The following SLC26A7 variants were observed in gnomAD, a reference collection of about 807,000 sequenced individuals.
SLC26A7 encodes the protein solute carrier family 26 member 7, also known as anion exchange transporter.
In SLC26A7, 59 loss-of-function variants were observed where a neutral mutation model predicts 82.5. The observed-to-expected ratio is 0.72, with a 90% CI of 0.58 to 0.89. The LOEUF is 0.89. SLC26A7 is among the 40% of genes least tolerant of loss of function. The probability of loss-of-function intolerance (pLI) is 0.00; values close to 1 mark genes in which losing one functional copy is unlikely to be tolerated. For missense variants in SLC26A7, 820 were observed against 793.0 expected, an observed-to-expected ratio of 1.03 and a Z score of -0.41; for synonymous variants, 271 against 274.3, an observed-to-expected ratio of 0.99 and a Z score of 0.12.
At chr8:91,356,089 T>C (rs1290135282) in intron 11 of SLC26A7, among the ~76,000 whole-genome samples, 2 of 152,236 alleles carry the variant, frequency 1.3e-5, no homozygotes, top group Non-Finnish European at 2.9e-5. Flanking sequence ...TAGTATTCCA[T>C]GGTGTACATG....
intron 2 of SLC26A7, among the ~76,000 whole-genome samples, chr8:91,253,038 A>G (rs191682820): frequency 2.0e-5 from 3 of 152,278 alleles, no homozygotes; most frequent in African/African-American, 4.8e-5. Context: ...TGTCTTCAAA[A>G]CAAACTGAAT....
intron 5 of SLC26A7, among the ~76,000 whole-genome samples, chr8:91,331,046 T>G (rs557021604): frequency 6.6e-6 from 1 of 152,210 alleles, no homozygotes; most frequent in Admixed American, 6.6e-5. Context: ...TGACATGGTA[T>G]TTCTCCTGTA....
At chr8:91,330,817 A>G (rs1247892725) in intron 5 of SLC26A7, among the ~76,000 whole-genome samples, 1 of 152,206 alleles carries the variant, frequency 6.6e-6, no homozygotes, top group Non-Finnish European at 1.5e-5. Flanking sequence ...ATACATATAT[A>G]GAAGCATGAA....
intron 2 of SLC26A7, among the ~76,000 whole-genome samples, chr8:91,258,866 T>C (rs1810880451): frequency 6.6e-6 from 1 of 152,108 alleles, no homozygotes; most frequent in South Asian, 2.1e-4. Context: ...CTCTATTCTC[T>C]ATCTTAAACT....
At chr8:91,371,411 G>A (rs539357407) in intron 15 of SLC26A7, among the ~76,000 whole-genome samples, 1 of 151,796 alleles carries the variant, frequency 6.6e-6, no homozygotes, top group South Asian at 2.1e-4. Context: ...TACTTTTGGA[G>A]TTCCCAGTGT....
At chr8:91,265,651 G>A (rs1811090861) in intron 2 of SLC26A7, among the ~76,000 whole-genome samples, 1 of 151,968 alleles carries the variant, frequency 6.6e-6, no homozygotes, top group Non-Finnish European at 1.5e-5. Flanking sequence ...CACTGATGTT[G>A]AGCATTTTGT....
intron 2 of SLC26A7, among the ~76,000 whole-genome samples, chr8:91,239,932 C>T (rs1220052255): frequency 6.6e-6 from 1 of 152,166 alleles, no homozygotes; most frequent in African/African-American, 2.4e-5. Context: ...ATATTAAAAA[C>T]AACTCAAAAC....
intron 2 of SLC26A7, among the ~76,000 whole-genome samples, chr8:91,243,681 A>C (rs1810504006): frequency 2.6e-5 from 4 of 152,210 alleles, no homozygotes. Flanking sequence ...TAATCTTAGG[A>C]ACTCACATAG....
At chr8:91,284,216 A>C (rs190830781) in intron 2 of SLC26A7, among the ~76,000 whole-genome samples, 1 of 152,292 alleles carries the variant, frequency 6.6e-6, no homozygotes, top group East Asian at 1.9e-4. Context: ...TTGGTCACAA[A>C]TAAGGTGGGT....
intron 5 of SLC26A7, among the ~76,000 whole-genome samples, chr8:91,322,310 T>G (rs1428871591): frequency 2.0e-5 from 3 of 152,166 alleles, no homozygotes; most frequent in African/African-American, 7.2e-5. Flanking sequence ...CCCTCAGCAG[T>G]TATAAACCCA....
intron 2 of SLC26A7, among the ~76,000 whole-genome samples, chr8:91,270,297 A>G (rs372750176): frequency 8.4e-4 from 128 of 152,252 alleles, no homozygotes; most frequent in African/African-American, 2.8e-3. Flanking sequence ...CATTCTGGGG[A>G]GAACTTGTAG....
In SLC26A7 at chr8:91,316,451, A is replaced by ATTTTTTTT. The variant is rs58981485; in HGVS notation, c.478-1733_478-1726dup. Among the ~76,000 whole-genome samples the ATTTTTTTT allele has an allele frequency of 5.5e-4, 19 of 34,424 alleles. 3 individuals carry two copies. Among genetic ancestry groups the ATTTTTTTT allele is most frequent in the Non-Finnish European group, 8.5e-4 (16 of 18,848 alleles). 22.6% of individuals were successfully genotyped at this position (34,424 alleles called of 152,430 possible). A position where few individuals can be genotyped will look rare whatever the true frequency, so the allele number is the denominator to read the frequency against. The stretch of plus-strand genomic sequence containing the variant: ...GAACTCGCTGCCACACTCAACACTA[A>ATTTTTTTT]TTTTTTTTTTTTTTTTTTTTTTTTT... On this transcript the variant is annotated intron_variant, in intron 4 of 18. Coordinates refer to ENST00000276609, the MANE Select transcript of SLC26A7 (RefSeq NM_052832.4).
intron 4 of SLC26A7, among the ~76,000 whole-genome samples, chr8:91,317,392 CTT>C (rs1812667447): frequency 2.0e-5 from 3 of 152,112 alleles, no homozygotes; most frequent in Admixed American, 2.0e-4. Context: ...CCCTATCTGT[CTT>C]TTGCGGTGCC....
At chr8:91,351,028 T>C (rs1813700725) in intron 9 of SLC26A7, among the ~76,000 whole-genome samples, 1 of 152,162 alleles carries the variant, frequency 6.6e-6, no homozygotes, top group Admixed American at 6.6e-5. Context: ...AAATTCCCTT[T>C]GATATCTCCA....
At chr8:91,223,416 T>C (rs935827499) in intron 2 of SLC26A7, among the ~76,000 whole-genome samples, 2 of 152,196 alleles carry the variant, frequency 1.3e-5, no homozygotes, top group African/African-American at 4.8e-5. Flanking sequence ...CTTTTACTTG[T>C]GATGTTAGGA....
chr8:91,323,461 A>G (rs77123292), intron 5 of SLC26A7, among the ~76,000 whole-genome samples: 4,265 of 152,292 alleles, frequency 0.028, 178 homozygotes, highest in African/African-American at 0.096. Context: ...CAAGTAATTC[A>G]AATTAAACTA....
upstream of SLC26A7, among the ~76,000 whole-genome samples, chr8:91,246,624 T>A (rs550106908): frequency 3.3e-5 from 5 of 151,524 alleles, no homozygotes; most frequent in Admixed American, 6.6e-5. Context: ...CGCTTGAACC[T>A]GGAAGGTGGA....
At position 91,282,796 on chromosome 8, in the gene SLC26A7, C is replaced by A. The variant is rs537820854; in HGVS notation, c.194-6340C>A. ...TGTCACATGTGTCCTTTTTGCTGAGCATACCAAATGGCTTTACATTCCAGG... is the reference window on the plus strand; with the variant it reads ...TGTCACATGTGTCCTTTTTGCTGAGAATACCAAATGGCTTTACATTCCAGG... On this transcript the variant is annotated intron_variant, in intron 2 of 18. Transcript: ENST00000276609. Among the ~76,000 whole-genome samples, 13 of 152,294 alleles carry A rather than the reference C, an allele frequency of 8.5e-5. No individual in the cohort carries two copies. The South Asian group carries it at 2.7e-3, about 32-fold the overall frequency.
intron 4 of SLC26A7, among the ~76,000 whole-genome samples, chr8:91,311,355 C>T (rs1231158475): frequency 6.6e-6 from 1 of 152,026 alleles, no homozygotes. Flanking sequence ...CAATCATTGT[C>T]AATTAGATTC....
Sources: allele counts gnomAD v4.1 joint callset (sites outside exome capture counted in the v4.1 genomes callset), GRCh38; gene constraint gnomAD v4.1.1; transcripts MANE v1.5; gene names NCBI Gene and HGNC (gene_info 2026-07-23, HGNC 2026-07-21).